BMP6: variants seen among roughly 807,000 people sequenced by gnomAD.
The protein encoded by BMP6 is VG-1-R.
Under a neutral mutation model 54.1 loss-of-function variants are expected in BMP6, and 17 were observed. The ratio of observed to expected loss-of-function variants is 0.31; its 90% CI spans 0.22 to 0.47. The LOEUF is 0.47. Ranked by LOEUF, BMP6 falls within the 20% of genes least tolerant of loss-of-function variation. The pLI is 1.00. For missense variants in BMP6, 720 were observed against 690.4 expected (o/e 1.04, Z -0.48); for synonymous variants, 328 against 291.2 (o/e 1.13, Z -1.28).
chr6:7,836,753 C>T (rs141317758), intron 1 of BMP6, among the ~76,000 whole-genome samples: 84 of 152,234 alleles, frequency 5.5e-4, no homozygotes, highest in African/African-American at 1.8e-3. Flanking sequence ...ATTTGATGAA[C>T]CCTGGAGGGT....
intron 1 of BMP6, among the ~76,000 whole-genome samples, chr6:7,741,353 TGGTGCGATTATA>T (rs1423989365): frequency 2.0e-5 from 3 of 152,200 alleles, no homozygotes; most frequent in African/African-American, 7.2e-5. Context: ...TGGAATGCAG[TGGTGCGATTATA>T]GGTCACTGCA....
At chr6:7,733,561 C>T (rs548290304) in intron 1 of BMP6, among the ~76,000 whole-genome samples, 2 of 152,332 alleles carry the variant, frequency 1.3e-5, no homozygotes, top group South Asian at 4.1e-4. Flanking sequence ...AGCTGGGCTG[C>T]TCCAGCCGCA....
At position 7,786,825 on chromosome 6, in the gene BMP6, G is replaced by A. The variant is rs558341254; in HGVS notation, c.665-58315G>A. On this transcript the variant is annotated intron_variant, in intron 1 of 6. Coordinates refer to ENST00000283147, the MANE Select transcript of BMP6 (RefSeq NM_001718.6). ...TGACTCAATCCAGGGTCAAAGCAGG[G>A]AGGGTTTCCCTGAGGGCACAGCAAT... Among the ~76,000 whole-genome samples, 24 of 152,300 alleles carry A rather than the reference G, an allele frequency of 1.6e-4. No individual in the cohort carries two copies. In the South Asian group the frequency reaches 4.1e-3, roughly 26 times the overall value.
At chr6:7,864,880 T>G (rs758212715) in intron 4 of BMP6, among the ~76,000 whole-genome samples, 9 of 152,142 alleles carry the variant, frequency 5.9e-5, no homozygotes, top group Admixed American at 1.3e-4. Flanking sequence ...ATAATCTCAG[T>G]GTTTTCCTTC....
At chr6:7,830,104 C>T (rs773020518) in intron 1 of BMP6, among the ~76,000 whole-genome samples, 10 of 152,200 alleles carry the variant, frequency 6.6e-5, no homozygotes, top group African/African-American at 1.9e-4. Context: ...GACTAGGGCT[C>T]ATCACTTTTC....
chr6:7,863,416 A>G (rs187122976), intron 4 of BMP6, among the ~76,000 whole-genome samples: 16 of 152,228 alleles, frequency 1.1e-4, no homozygotes, highest in East Asian at 5.8e-4. Context: ...AACTATCTCT[A>G]TATGGTGGCC....
chr6:7,854,445 G>GA (rs1759193210), intron 2 of BMP6, among the ~76,000 whole-genome samples: 1 of 152,290 alleles, frequency 6.6e-6, no homozygotes, highest in Admixed American at 6.5e-5. Flanking sequence ...CGGGAATGTG[G>GA]AAATGTAGGG....
Position 7,838,834 on chromosome 6 carries a change from C to T in BMP6, c.665-6306C>T, listed in dbSNP as rs567737035. On this transcript the variant is annotated intron_variant, in intron 1 of 6. Transcript: ENST00000283147. ...GCAGGCGCCTGGAGTCCCAGCTACT[C>T]GGGAGGCTGAGGCAGGAGAATGGCG... 3.1e-3 allele frequency among the ~76,000 whole-genome samples: 460 copies of T among 149,736 alleles called. 3 individuals carry two copies. Among genetic ancestry groups the T allele is most frequent in the African/African-American group, 0.011 (442 of 40,698 alleles).
At chr6:7,757,096 T>G (rs1757526078) in intron 1 of BMP6, among the ~76,000 whole-genome samples, 1 of 152,230 alleles carries the variant, frequency 6.6e-6, no homozygotes, top group South Asian at 2.1e-4. Flanking sequence ...CTCTGTCTTC[T>G]AAACTCAATG....
intron 1 of BMP6, among the ~76,000 whole-genome samples, chr6:7,820,320 AC>A (rs1758586883): frequency 6.6e-6 from 1 of 152,176 alleles, no homozygotes; most frequent in African/African-American, 2.4e-5. Flanking sequence ...TAAGACTTTC[AC>A]CTCAAGATGA....
chr6:7,733,757 C>G (rs916842018), intron 1 of BMP6, among the ~76,000 whole-genome samples: 5 of 152,228 alleles, frequency 3.3e-5, no homozygotes, highest in African/African-American at 1.2e-4. Context: ...TCACTCCCAT[C>G]TCTGATCCAG....
chr6:7,811,026 G>GC (rs951193301), intron 1 of BMP6, among the ~76,000 whole-genome samples: 2 of 152,112 alleles, frequency 1.3e-5, no homozygotes, highest in Non-Finnish European at 2.9e-5. Context: ...CCCCCATGTG[G>GC]CCCCCAGGGC....
intron 1 of BMP6, among the ~76,000 whole-genome samples, chr6:7,771,872 G>A (rs191900658): frequency 2.1e-3 from 314 of 152,188 alleles, no homozygotes; most frequent in Non-Finnish European, 3.2e-3. Context: ...GGCTAACATG[G>A]TGAAACCCTG....
chr6:7,737,483 A>T (rs1761972553), intron 1 of BMP6, among the ~76,000 whole-genome samples: 1 of 151,652 alleles, frequency 6.6e-6, no homozygotes, highest in Non-Finnish European at 1.5e-5. Flanking sequence ...TGTTTAGGGC[A>T]GAGCCTTCTA....
At chr6:7,736,438 T>G (rs371115921) in intron 1 of BMP6, among the ~76,000 whole-genome samples, 286 of 152,330 alleles carry the variant, frequency 1.9e-3, no homozygotes, top group African/African-American at 6.7e-3. Context: ...TAATGTGACT[T>G]TAGAATTGAG....
rs71542882 is a variant in BMP6 at position 7,777,681 on chromosome 6, TAAAA to T, written c.664+50071_664+50074del. 4.9e-5 allele frequency among the ~76,000 whole-genome samples: 7 copies of T among 142,162 alleles called. No individual in the cohort carries two copies. In the South Asian group the frequency reaches 1.4e-3, roughly 28 times the overall value. The allele number at this position is 142,162 out of a possible 152,430, so 93.3% of individuals were successfully genotyped here. ...ACCTCTATCTTTCCGGCATCACTAA[TAAAA>T]AAAAAAAAGGGAGAAAAAGCTGAAA... On this transcript the variant is annotated intron_variant, in intron 1 of 6. Transcript: ENST00000283147.
intron 1 of BMP6, among the ~76,000 whole-genome samples, chr6:7,809,412 G>A (rs1758403350): frequency 6.6e-6 from 1 of 152,212 alleles, no homozygotes. Flanking sequence ...CAGGTTTGTG[G>A]AAGATTAGCT....
chr6:7,837,001 T>C (rs1347459723), intron 1 of BMP6, among the ~76,000 whole-genome samples: 1 of 152,204 alleles, frequency 6.6e-6, no homozygotes, highest in African/African-American at 2.4e-5. Context: ...AATTTCAAGT[T>C]TGGTGTGTAA....
At chr6:7,800,654 G>A (rs959677625) in intron 1 of BMP6, among the ~76,000 whole-genome samples, 7 of 152,206 alleles carry the variant, frequency 4.6e-5, no homozygotes, top group African/African-American at 1.7e-4. Context: ...AGGGTTTGGG[G>A]ATGGATTGAT....
Sources: gnomAD v4.1 joint callset for allele counts (sites outside exome capture counted in the v4.1 genomes callset) on GRCh38, gnomAD v4.1.1 for gene constraint, MANE v1.5 for transcripts, NCBI Gene and HGNC (gene_info 2026-07-23, HGNC 2026-07-21) for gene names.